The following EYA1 variants were observed in gnomAD, a reference collection of about 807,000 sequenced individuals.
EYA1 encodes protein phosphatase EYA1.
EYA1 carries 16 observed loss-of-function variants against 82.0 expected under a neutral mutation model. The ratio of observed to expected loss-of-function variants is 0.20; its 90% CI spans 0.13 to 0.30. EYA1 has a LOEUF of 0.30. Ranked by LOEUF, EYA1 falls within the 10% of genes least tolerant of loss-of-function variation. EYA1 has a pLI of 1.00. For synonymous variants in EYA1, 261 were observed against 264.4 expected, an observed-to-expected ratio of 0.99 and a Z score of 0.12; for missense variants, 633 against 730.7, an observed-to-expected ratio of 0.87 and a Z score of 1.54.
intron 2 of EYA1, among the ~76,000 whole-genome samples, chr8:71,385,602 C>A (rs1463485640): frequency 6.6e-6 from 1 of 152,114 alleles, no homozygotes; most frequent in African/African-American, 2.4e-5. Context: ...TTAGGAAGAT[C>A]AGGTAATGTC....
intron 12 of EYA1, among the ~76,000 whole-genome samples, chr8:71,221,759 C>T (rs1809947181): frequency 6.6e-6 from 1 of 152,160 alleles, no homozygotes; most frequent in Non-Finnish European, 1.5e-5. Flanking sequence ...ACCTGTTGCA[C>T]TAAATGTTAA....
chr8:71,203,184 C>T (rs1232305771), intron 17 of EYA1, among the ~76,000 whole-genome samples: 3 of 152,088 alleles, frequency 2.0e-5, no homozygotes. Context: ...TGCCTGAAGC[C>T]CTAGTTTCTT....
chr8:71,290,318 T>C (rs906990058), intron 9 of EYA1, among the ~76,000 whole-genome samples: 1 of 152,218 alleles, frequency 6.6e-6, no homozygotes, highest in Non-Finnish European at 1.5e-5. Context: ...TAAATGCCGA[T>C]GTCCTCCAAC....
At chr8:71,449,472 G>C (rs2129178104) in intron 2 of EYA1, among the ~76,000 whole-genome samples, 1 of 152,290 alleles carries the variant, frequency 6.6e-6, no homozygotes, top group South Asian at 2.1e-4. Flanking sequence ...TTAGAAAAAG[G>C]GAATCTTTTT....
intron 2 of EYA1, among the ~76,000 whole-genome samples, chr8:71,421,231 G>C (rs897102652): frequency 6.6e-6 from 1 of 152,130 alleles, no homozygotes; most frequent in East Asian, 1.9e-4. Flanking sequence ...AATTGTTTCA[G>C]GTTGGTGCTG....
At chr8:71,506,980 A>C (rs541886567) in intron 2 of EYA1, among the ~76,000 whole-genome samples, 1 of 152,152 alleles carries the variant, frequency 6.6e-6, no homozygotes, top group African/African-American at 2.4e-5. Context: ...ATCAACAAAT[A>C]ATAGACAAGA....
At chr8:71,273,444 AG>A (rs1341405618) in intron 9 of EYA1, among the ~76,000 whole-genome samples, 4 of 152,342 alleles carry the variant, frequency 2.6e-5, no homozygotes, top group African/African-American at 9.6e-5. Context: ...CTTTTATTAC[AG>A]AGGCAGATAA....
At chr8:71,236,500 A>C (rs999948285) in intron 12 of EYA1, among the ~76,000 whole-genome samples, 10 of 152,074 alleles carry the variant, frequency 6.6e-5, no homozygotes, top group African/African-American at 2.4e-4. Context: ...ATGTATTTTA[A>C]TTTATTTCAT....
At chr8:71,317,234 G>A (rs537726481) in intron 7 of EYA1, among the ~76,000 whole-genome samples, 40 of 152,242 alleles carry the variant, frequency 2.6e-4, no homozygotes, top group South Asian at 8.3e-4. Flanking sequence ...CCTCCTACGT[G>A]GCTGACTTTT....
chr8:71,331,489 T>TATATATATATA (rs138509009), intron 4 of EYA1, among the ~76,000 whole-genome samples: 1 of 146,846 alleles, frequency 6.8e-6, no homozygotes, highest in South Asian at 2.1e-4. Context: ...TATAAATGTT[T>TATATATATATA]TATATATATA....
At chr8:71,469,983 G>A (rs963562213) in intron 2 of EYA1, among the ~76,000 whole-genome samples, 1 of 152,032 alleles carries the variant, frequency 6.6e-6, no homozygotes, top group South Asian at 2.1e-4. Context: ...GTTCACCAAG[G>A]CCTTTGATTC....
At chr8:71,354,717 A>G in intron 3 of EYA1, 65 bp downstream of exon 3, 2 of 1,522,924 alleles carry the variant, frequency 1.3e-6, no homozygotes, top group South Asian at 2.3e-5. Flanking sequence ...TAACCACCTA[A>G]TAACAAAGCA....
intron 3 of EYA1, 21 bp downstream of exon 3, chr8:71,354,761 A>T: frequency 6.2e-7 from 1 of 1,610,672 alleles, no homozygotes; most frequent in Non-Finnish European, 8.5e-7. Flanking sequence ...CAAAGTAAAT[A>T]GTGAGAAGGC....
intron 2 of EYA1, among the ~76,000 whole-genome samples, chr8:71,371,711 A>G (rs1828090946): frequency 6.6e-6 from 1 of 152,202 alleles, no homozygotes; most frequent in Non-Finnish European, 1.5e-5. Flanking sequence ...CAGGAAAACA[A>G]AAATAAACTC....
At chr8:71,331,426 CTT>C (rs1823850285) in intron 4 of EYA1, among the ~76,000 whole-genome samples, 1 of 151,074 alleles carries the variant, frequency 6.6e-6, no homozygotes, top group African/African-American at 2.4e-5. Context: ...AAGATTATCT[CTT>C]TGTAGCACAT....
At chr8:71,237,165 C>T (rs1291540425) in intron 12 of EYA1, among the ~76,000 whole-genome samples, 1 of 152,046 alleles carries the variant, frequency 6.6e-6, no homozygotes, top group South Asian at 2.1e-4. Context: ...GATTCTCCTG[C>T]CTCAGCCTCC....
chr8:71,511,441 G>C (rs370785040), intron 2 of EYA1, among the ~76,000 whole-genome samples: 3 of 152,292 alleles, frequency 2.0e-5, no homozygotes, highest in East Asian at 3.9e-4. Flanking sequence ...TTTTGGGGCT[G>C]GGGACAAAAT....
At chr8:71,502,285 T>C (rs1286760046) in intron 2 of EYA1, among the ~76,000 whole-genome samples, 1 of 152,214 alleles carries the variant, frequency 6.6e-6, no homozygotes, top group East Asian at 1.9e-4. Flanking sequence ...TTTTATTTTA[T>C]ACCTGGTTTC....
At chr8:71,502,348 A>C (rs1050975246) in intron 2 of EYA1, among the ~76,000 whole-genome samples, 2 of 152,174 alleles carry the variant, frequency 1.3e-5, no homozygotes, top group Non-Finnish European at 2.9e-5. Context: ...TTTCTTTTAT[A>C]GGGAAATAAA....
Sources: allele counts gnomAD v4.1 joint callset (sites outside exome capture counted in the v4.1 genomes callset), GRCh38; gene constraint gnomAD v4.1.1; transcripts MANE v1.5; gene names NCBI Gene and HGNC (gene_info 2026-07-23, HGNC 2026-07-21).